Variants in DNAH12 observed in about 807,000 individuals in gnomAD.
DNAH12 encodes axonemal beta dynein heavy chain 12.
In DNAH12, 285 loss-of-function variants were observed where a neutral mutation model predicts 371.5. The ratio of observed to expected loss-of-function variants is 0.77; its 90% CI spans 0.70 to 0.85. The LOEUF is 0.85. Among genes scored for constraint, DNAH12 ranks in the 40% least tolerant of loss-of-function variants. The pLI is 0.00. For synonymous variants in DNAH12, 1,200 were observed against 1,213.0 expected, an observed-to-expected ratio of 0.99 and a Z score of 0.22; for missense variants, 3,611 against 3,689.4, an observed-to-expected ratio of 0.98 and a Z score of 0.55.
At chr3:57,301,316 A>C (rs2061342044) in intron 70 of DNAH12, among the ~76,000 whole-genome samples, 1 of 142,334 alleles carries the variant, frequency 7.0e-6, no homozygotes, top group Admixed American at 7.1e-5. Flanking sequence ...AAGCCTCAGG[A>C]TTTTTGACTT....
At chr3:57,534,955 TGTTTATTATGA>T (rs544056899) in intron 2 of DNAH12, among the ~76,000 whole-genome samples, 44 of 152,384 alleles carry the variant, frequency 2.9e-4, no homozygotes, top group African/African-American at 9.6e-4. Flanking sequence ...AATGAATTAC[TGTTTATTATGA>T]GTTTATTATG....
chr3:57,405,572 A>G lies in DNAH12; in HGVS notation c.6576+81T>C, dbSNP rs141382762. On this transcript the variant is annotated intron_variant, in intron 41 of 73. Coordinates refer to ENST00000495027, the MANE Select transcript of DNAH12 (RefSeq NM_001366028.2). Reference sequence around the variant, plus strand: ...AAAAGAATATGTTCATTAAGAAATGATTTTTAAAAATATAACTTAATTGTA... The same window carrying G: ...AAAAGAATATGTTCATTAAGAAATGGTTTTTAAAAATATAACTTAATTGTA... 851 of 1,385,308 alleles carry G rather than the reference A, an allele frequency of 6.1e-4. 9 individuals are homozygous for G. The East Asian group carries it at 0.02, about 33-fold the overall frequency. The allele number at this position is 1,385,308 out of a possible 1,614,324, so 85.8% of individuals were successfully genotyped here.
At chr3:57,296,558 T>G in intron 71 of DNAH12, 123 bp from the exon 72 acceptor site, 1 of 810,818 alleles carries the variant, frequency 1.2e-6, no homozygotes, top group Non-Finnish European at 1.9e-6. Flanking sequence ...CTTGTTAAAC[T>G]ATACATTTTT....
rs1206985692 is a variant in DNAH12 at position 57,361,170 on chromosome 3, T to G, written c.9360+2424A>C. ...TTCAAGACCAACCTGGCCAACATGATGAAACCCTGTCTCTACTAAAAATAC... is the reference window on the plus strand; with the variant it reads ...TTCAAGACCAACCTGGCCAACATGAGGAAACCCTGTCTCTACTAAAAATAC... On this transcript the variant is annotated intron_variant, in intron 58 of 73. Transcript: ENST00000495027. Among the ~76,000 whole-genome samples the G allele has an allele frequency of 4.6e-5, 7 of 151,624 alleles. No homozygotes were observed. In the East Asian group the frequency reaches 1.4e-3, roughly 30 times the overall value.
Position 57,510,930 on chromosome 3 carries a change from G to C in DNAH12, c.329C>G (p.Pro110Arg), listed in dbSNP as rs141578085. 1 of 1,612,550 alleles carries C rather than the reference G, an allele frequency of 6.2e-7. No individual in the cohort carries two copies. The highest frequency in any genetic ancestry group is 1.7e-5 in the Admixed American group (1 of 59,416). ...GTGATCCAGCCATTCCTGCTGAATA[G>C]GTACTAAAGGACTACTTTCTACACA... Reference protein sequence around the residue: ...KQCVESSPLVPIQQEWLDHML... With the variant: ...KQCVESSPLVRIQQEWLDHML... Residue 110 changes from proline to arginine, a missense_variant, in exon 5 of 74, where the codon CCT (proline) becomes CGT (arginine). By Grantham distance (103) the Pro-to-Arg change is moderately radical. Coordinates refer to ENST00000495027, the MANE Select transcript of DNAH12 (RefSeq NM_001366028.2).
At chr3:57,354,245 T>C (rs1472537703) in intron 59 of DNAH12, among the ~76,000 whole-genome samples, 1 of 152,042 alleles carries the variant, frequency 6.6e-6, no homozygotes, top group African/African-American at 2.4e-5. Context: ...CTAAGCAAAC[T>C]AATGCAGGAA....
At chr3:57,359,313 A>C (rs1338355090) in intron 58 of DNAH12, among the ~76,000 whole-genome samples, 1 of 151,808 alleles carries the variant, frequency 6.6e-6, no homozygotes, top group African/African-American at 2.4e-5. Context: ...TAATCCCAGC[A>C]CTTTGGGAGG....
At chr3:57,449,805 G>A (rs1369685726) in intron 25 of DNAH12, among the ~76,000 whole-genome samples, 1 of 152,226 alleles carries the variant, frequency 6.6e-6, no homozygotes, top group Non-Finnish European at 1.5e-5. Context: ...CAGTGCAGCG[G>A]CGGGCCGAAG....
chr3:57,518,994 A>G (rs2068306927), intron 4 of DNAH12, among the ~76,000 whole-genome samples: 1 of 152,154 alleles, frequency 6.6e-6, no homozygotes, highest in African/African-American at 2.4e-5. Flanking sequence ...ATAATAGAGA[A>G]CCAGATGAAT....
chr3:57,392,687 C>T (rs948329354), intron 44 of DNAH12, among the ~76,000 whole-genome samples: 7 of 151,850 alleles, frequency 4.6e-5, no homozygotes, highest in African/African-American at 1.4e-4. Context: ...AAAAGTTTTG[C>T]GACAGTATAT....
At chr3:57,531,595 C>G (rs1458641721) in intron 2 of DNAH12, among the ~76,000 whole-genome samples, 2 of 151,654 alleles carry the variant, frequency 1.3e-5, no homozygotes, top group Admixed American at 1.3e-4. Flanking sequence ...AACCCCATAT[C>G]TACTAAAAAT....
At chr3:57,316,389 C>T (rs2061686571) in intron 65 of DNAH12, among the ~76,000 whole-genome samples, 2 of 152,144 alleles carry the variant, frequency 1.3e-5, no homozygotes, top group Admixed American at 1.3e-4. Flanking sequence ...ATTGCTCTTT[C>T]AACAACCTTG....
rs1326237791 is a variant in DNAH12 at position 57,389,839 on chromosome 3, T to TATATATATATATATATAA, written c.7305+2032_7305+2033insTTATATATATATATATAT. On this transcript the variant is annotated intron_variant, in intron 45 of 73. Coordinates refer to ENST00000495027, the MANE Select transcript of DNAH12 (RefSeq NM_001366028.2). ...GTGTGTGTGTATATATATATATATATAATACTTTTTTTTTTGAAATGGAGT... is the reference window on the plus strand; with the variant it reads ...GTGTGTGTGTATATATATATATATATATATATATATATATATAAAATACTTTTTTTTTTGAAATGGAGT... 2.5e-3 allele frequency among the ~76,000 whole-genome samples: 212 copies of TATATATATATATATATAA among 84,834 alleles called. 25 individuals are homozygous for TATATATATATATATATAA. Among genetic ancestry groups the TATATATATATATATATAA allele is most frequent in the African/African-American group, 3.2e-3 (94 of 28,992 alleles). 55.7% of individuals were successfully genotyped at this position (84,834 alleles called of 152,430 possible).
chr3:57,321,709 T>C (rs563933868), intron 65 of DNAH12, among the ~76,000 whole-genome samples: 2 of 152,320 alleles, frequency 1.3e-5, no homozygotes, highest in East Asian at 1.9e-4. Context: ...TTCACAGATA[T>C]AAGCTATATC....
At chr3:57,360,889 G>T (rs2062912354) in intron 58 of DNAH12, among the ~76,000 whole-genome samples, 1 of 152,100 alleles carries the variant, frequency 6.6e-6, no homozygotes. Flanking sequence ...AATAACGTTA[G>T]CTTACAGAAG....
At position 57,445,531 on chromosome 3, in the gene DNAH12, C is replaced by A. The variant is rs2065457910; in HGVS notation, c.4180-112G>T. On this transcript the variant is annotated intron_variant, in intron 27 of 73. Coordinates refer to ENST00000495027, the MANE Select transcript of DNAH12 (RefSeq NM_001366028.2). ...TCAAGTTTATTCTCCAAATGCAGCACCTTTTTCTAAACTCTAATTTTTTTT... is the reference window on the plus strand; with the variant it reads ...TCAAGTTTATTCTCCAAATGCAGCAACTTTTTCTAAACTCTAATTTTTTTT... 3 of 964,478 alleles carry A rather than the reference C, an allele frequency of 3.1e-6. No homozygotes were observed. The South Asian group carries it at 1.6e-4, about 50-fold the overall frequency. The allele number at this position is 964,478 out of a possible 1,614,324, so 59.7% of individuals were successfully genotyped here.
At chr3:57,389,648 T>A (rs1321549012) in intron 45 of DNAH12, among the ~76,000 whole-genome samples, 1 of 151,422 alleles carries the variant, frequency 6.6e-6, no homozygotes, top group African/African-American at 2.4e-5. Flanking sequence ...CCTTTTATAG[T>A]GAAAATACTT....
At chr3:57,498,220 G>A (rs1238487251) in intron 11 of DNAH12, 5 of 364,700 alleles carry the variant, frequency 1.4e-5, no homozygotes, top group Admixed American at 4.2e-5. Context: ...GTAAAAGACT[G>A]ATAAGCCCAA....
intron 39 of DNAH12, among the ~76,000 whole-genome samples, chr3:57,413,540 G>T (rs2064270807): frequency 6.6e-6 from 1 of 151,938 alleles, no homozygotes; most frequent in African/African-American, 2.4e-5. Flanking sequence ...TGTGTCGGGG[G>T]GCAAGGAGTA....
Sources: gnomAD v4.1 joint callset for allele counts (sites outside exome capture counted in the v4.1 genomes callset) on GRCh38, gnomAD v4.1.1 for gene constraint, MANE v1.5 for transcripts, NCBI Gene and HGNC (gene_info 2026-07-23, HGNC 2026-07-21) for gene names.